Variants in AFG2A observed in about 807,000 individuals in gnomAD.
AFG2A encodes the protein AAA ATPase AFG2A, also known as ATPase family gene 2 protein homolog A.
chr4:123,022,568 C>CACTTTT, the AFG2A span, among the ~76,000 whole-genome samples: 1 of 148,118 alleles, frequency 6.8e-6, no homozygotes, highest in African/African-American at 2.5e-5. Context: ...GAAATAGGAA[C>CACTTTT]ACTTTTACAC....
the AFG2A span, among the ~76,000 whole-genome samples, chr4:123,001,773 A>G: frequency 8.5e-5 from 13 of 152,280 alleles, no homozygotes; most frequent in East Asian, 2.5e-3. Context: ...AGAAGAATGT[A>G]TATTCTGTTG....
At chr4:123,101,291 A>C in the AFG2A span, among the ~76,000 whole-genome samples, 1 of 151,942 alleles carries the variant, frequency 6.6e-6, no homozygotes, top group Non-Finnish European at 1.5e-5. Context: ...TTATTTATGG[A>C]GGAAGAACAG....
chr4:123,113,499 TAA>T, the AFG2A span, among the ~76,000 whole-genome samples: 8 of 148,304 alleles, frequency 5.4e-5, no homozygotes, highest in Non-Finnish European at 1.0e-4. Flanking sequence ...CAGTTAATAT[TAA>T]AAAAAAAAAT....
the AFG2A span, among the ~76,000 whole-genome samples, chr4:123,121,263 AT>A: frequency 9.6e-4 from 141 of 146,996 alleles, no homozygotes; most frequent in Middle Eastern, 6.9e-3. Context: ...AAAAAAAATA[AT>A]AAATAAAAAA....
the AFG2A span, among the ~76,000 whole-genome samples, chr4:123,038,438 T>C: frequency 1.3e-5 from 2 of 152,248 alleles, no homozygotes; most frequent in East Asian, 3.9e-4. Context: ...TTAAGTTTTC[T>C]GTTAGTAGTA....
At chr4:123,242,143 G>A in the AFG2A span, among the ~76,000 whole-genome samples, 10 of 150,452 alleles carry the variant, frequency 6.6e-5, no homozygotes, top group African/African-American at 2.2e-4. Context: ...CAAACAAATG[G>A]AAGATGGGAA....
the AFG2A span, among the ~76,000 whole-genome samples, chr4:123,076,511 A>G: frequency 6.6e-6 from 1 of 151,778 alleles, no homozygotes; most frequent in Non-Finnish European, 1.5e-5. Flanking sequence ...TTTTAATTAT[A>G]TGATGAAAAT....
At chr4:123,074,602 T>C in the AFG2A span, among the ~76,000 whole-genome samples, 1 of 152,158 alleles carries the variant, frequency 6.6e-6, no homozygotes, top group Non-Finnish European at 1.5e-5. Context: ...AGGATTTCCC[T>C]TTGATGGTTT....
chr4:123,196,167 ATT>A, the AFG2A span, among the ~76,000 whole-genome samples: 2,482 of 79,652 alleles, frequency 0.031, 59 homozygotes, highest in Non-Finnish European at 0.047. Flanking sequence ...TGCCCAGCTA[ATT>A]TTTTTTTTTT....
chr4:122,968,732 A>G, the AFG2A span, among the ~76,000 whole-genome samples: 1 of 152,154 alleles, frequency 6.6e-6, no homozygotes, highest in African/African-American at 2.4e-5. Context: ...TTGTTACTAA[A>G]TACTGCCAAA....
chr4:123,028,080 T>A, the AFG2A span: 1 of 918,068 alleles, frequency 1.1e-6, no homozygotes. Context: ...CTTAAATGGT[T>A]CTATTCTTTT....
the AFG2A span, among the ~76,000 whole-genome samples, chr4:123,160,947 A>G: frequency 6.6e-6 from 1 of 152,330 alleles, no homozygotes; most frequent in South Asian, 2.1e-4. Context: ...AGTTATGTAA[A>G]TGTGTTCTCT....
the AFG2A span, among the ~76,000 whole-genome samples, chr4:123,172,172 C>T: frequency 6.6e-6 from 1 of 152,178 alleles, no homozygotes; most frequent in South Asian, 2.1e-4. Flanking sequence ...AGTACATAAA[C>T]ACTGTGTAGC....
At chr4:122,969,123 A>G in the AFG2A span, among the ~76,000 whole-genome samples, 3 of 151,374 alleles carry the variant, frequency 2.0e-5, no homozygotes, top group South Asian at 6.2e-4. Flanking sequence ...TTATATATTT[A>G]TTATAATATA....
chr4:123,096,109 T>A, the AFG2A span, among the ~76,000 whole-genome samples: 1 of 152,128 alleles, frequency 6.6e-6, no homozygotes, highest in Admixed American at 6.6e-5. Flanking sequence ...GTCAGACTCA[T>A]TTGCTGTGAT....
At chr4:123,175,361 G>T in the AFG2A span, among the ~76,000 whole-genome samples, 1 of 152,046 alleles carries the variant, frequency 6.6e-6, no homozygotes, top group Non-Finnish European at 1.5e-5. Flanking sequence ...TTCATGGAAG[G>T]GACTCCTTAC....
chr4:123,065,584 C>T, the AFG2A span, among the ~76,000 whole-genome samples: 1 of 152,066 alleles, frequency 6.6e-6, no homozygotes, highest in African/African-American at 2.4e-5. Context: ...AATGAATCTA[C>T]CTCGACAGAG....
chr4:123,191,376 G>A, the AFG2A span, among the ~76,000 whole-genome samples: 1 of 135,594 alleles, frequency 7.4e-6, no homozygotes, highest in African/African-American at 2.7e-5. Context: ...TTTTTTTTTG[G>A]CAACTACCTA....
chr4:123,209,318 G>C, the AFG2A span, among the ~76,000 whole-genome samples: 4 of 152,090 alleles, frequency 2.6e-5, no homozygotes, highest in Non-Finnish European at 5.9e-5. Context: ...GTATGTTGCA[G>C]AAATGAATGA....
Sources: gnomAD v4.1 joint callset for allele counts (sites outside exome capture counted in the v4.1 genomes callset) on GRCh38, gnomAD v4.1.1 for gene constraint, MANE v1.5 for transcripts, NCBI Gene and HGNC (gene_info 2026-07-23, HGNC 2026-07-21) for gene names.